SGCZ: variants seen among roughly 807,000 people sequenced by gnomAD.
The protein encoded by SGCZ is sarcoglycan zeta.
Under a neutral mutation model 41.3 loss-of-function variants are expected in SGCZ, and 40 were observed. The observed-to-expected ratio is 0.97, with a 90% CI of 0.75 to 1.26. The LOEUF is 1.26. Ranked by LOEUF, SGCZ falls within the 50% of genes most tolerant of loss-of-function variation. The pLI is 0.00. For synonymous variants in SGCZ, 206 were observed against 137.5 expected, an observed-to-expected ratio of 1.50 and a Z score of -3.49; for missense variants, 552 against 369.8, an observed-to-expected ratio of 1.49 and a Z score of -4.04.
intron 1 of SGCZ, among the ~76,000 whole-genome samples, chr8:15,077,131 A>G (rs1204506927): frequency 1.3e-5 from 2 of 152,138 alleles, no homozygotes; most frequent in Non-Finnish European, 2.9e-5. Flanking sequence ...TTTTTTCATG[A>G]ATAACAGAAA....
At chr8:14,574,330 T>C (rs1306832294) in intron 1 of SGCZ, among the ~76,000 whole-genome samples, 1 of 149,556 alleles carries the variant, frequency 6.7e-6, no homozygotes, top group Non-Finnish European at 1.5e-5. Flanking sequence ...GAAACAAGAA[T>C]TCCTTTTCCT....
Position 14,490,050 on chromosome 8 carries a change from T to G in SGCZ, c.234+64682A>C, listed in dbSNP as rs544681951. Among the ~76,000 whole-genome samples, 5 of 151,978 alleles carry G rather than the reference T, an allele frequency of 3.3e-5. 1 individual carries two copies. Among genetic ancestry groups the G allele is most frequent in the African/African-American group, 1.2e-4 (5 of 41,434 alleles). On this transcript the variant is annotated intron_variant, in intron 2 of 7. Coordinates refer to ENST00000382080, the MANE Select transcript of SGCZ (RefSeq NM_139167.4). Reference sequence around the variant, plus strand: ...GCCCAGCTAATGTTTGTCTTTTTAGTATATATGAGGTTTCACCATGTTGGT... The same window carrying G: ...GCCCAGCTAATGTTTGTCTTTTTAGGATATATGAGGTTTCACCATGTTGGT...
intron 2 of SGCZ, among the ~76,000 whole-genome samples, chr8:14,470,766 G>C (rs1221653125): frequency 1.3e-5 from 2 of 152,028 alleles, no homozygotes; most frequent in Non-Finnish European, 2.9e-5. Flanking sequence ...TCACTCTCTT[G>C]GAAAGACCTC....
intron 2 of SGCZ, among the ~76,000 whole-genome samples, chr8:14,364,781 T>C (rs974042452): frequency 1.3e-5 from 2 of 152,164 alleles, no homozygotes; most frequent in Non-Finnish European, 2.9e-5. Flanking sequence ...TTTGATATTA[T>C]ACATGTTTTT....
At chr8:14,946,004 C>CTATATA (rs1800429047) in intron 1 of SGCZ, among the ~76,000 whole-genome samples, 4 of 45,764 alleles carry the variant, frequency 8.7e-5, no homozygotes, top group African/African-American at 1.8e-4. Context: ...CTAAATGTCC[C>CTATATA]CATATATATA....
rs1236970515 is a variant in SGCZ at position 14,144,869 on chromosome 8, G to C, written c.547+19711C>G. On this transcript the variant is annotated intron_variant, in intron 5 of 7. Transcript: ENST00000382080. Reference sequence around the variant, plus strand: ...GTACTCCTTGTGGCCTGGAGTGGTGGTGGCTACTGGGTGAGGCTCGTTTGT... The same window carrying C: ...GTACTCCTTGTGGCCTGGAGTGGTGCTGGCTACTGGGTGAGGCTCGTTTGT... Among the ~76,000 whole-genome samples the C allele has an allele frequency of 2.0e-5, 3 of 152,174 alleles. 1 individual carries two copies. Among genetic ancestry groups the C allele is most frequent in the Non-Finnish European group, 4.4e-5 (3 of 68,038 alleles).
chr8:14,724,473 T>C (rs969981952), intron 1 of SGCZ, among the ~76,000 whole-genome samples: 3 of 151,886 alleles, frequency 2.0e-5, no homozygotes, highest in African/African-American at 7.2e-5. Flanking sequence ...ACTTCAAATA[T>C]TTTTAATAAA....
intron 2 of SGCZ, among the ~76,000 whole-genome samples, chr8:14,424,341 A>G (rs952708778): frequency 2.6e-5 from 4 of 152,184 alleles, no homozygotes; most frequent in Admixed American, 6.5e-5. Flanking sequence ...GGATTAAAAA[A>G]CACAATATAT....
intron 2 of SGCZ, among the ~76,000 whole-genome samples, chr8:14,525,160 ATAGATAGATAGAT>A (rs138471552): frequency 0.11 from 14,377 of 133,242 alleles, 2,097 homozygotes; most frequent in African/African-American, 0.33. Context: ...AGATAGATAG[ATAGATAGATAGAT>A]AGATAGATAG....
Position 14,201,093 on chromosome 8 carries a change from T to G in SGCZ, c.425-36391A>C, listed in dbSNP as rs191937250. 2.9e-3 allele frequency among the ~76,000 whole-genome samples: 445 copies of G among 152,262 alleles called. 2 individuals carry two copies. Among genetic ancestry groups the G allele is most frequent in the South Asian group, 6.6e-3 (32 of 4,832 alleles). ...ACAATTAAAACTATTAAATACACATTGGACAAAAATGTTTAAATGGTGAAA... is the reference window on the plus strand; with the variant it reads ...ACAATTAAAACTATTAAATACACATGGGACAAAAATGTTTAAATGGTGAAA... On this transcript the variant is annotated intron_variant, in intron 4 of 7. Transcript: ENST00000382080.
chr8:14,260,118 T>G (rs1206523279), intron 3 of SGCZ, among the ~76,000 whole-genome samples: 1 of 152,158 alleles, frequency 6.6e-6, no homozygotes, highest in Non-Finnish European at 1.5e-5. Flanking sequence ...TCTGTTTGTC[T>G]GTTGTTGGTG....
chr8:14,955,341 C>G (rs919672261), intron 1 of SGCZ, among the ~76,000 whole-genome samples: 1 of 152,112 alleles, frequency 6.6e-6, no homozygotes, highest in Admixed American at 6.6e-5. Context: ...TTTGTCCTTC[C>G]AAACACGACT....
chr8:14,680,557 G>C (rs1243691162), intron 1 of SGCZ, among the ~76,000 whole-genome samples: 1 of 144,326 alleles, frequency 6.9e-6, no homozygotes, highest in Admixed American at 7.5e-5. Flanking sequence ...AACGGAGCAA[G>C]AAATCTCACA....
chr8:15,112,967 C>T lies in SGCZ; in HGVS notation c.39+124618G>A, dbSNP rs146673068. On this transcript the variant is annotated intron_variant, in intron 1 of 7. Coordinates refer to ENST00000382080, the MANE Select transcript of SGCZ (RefSeq NM_139167.4). Reference sequence around the variant, plus strand: ...AAAAAAGCAGGGCACAGTACACTTTCAGAAGCCAAGGCAGGTGGATCGCTT... The same window carrying T: ...AAAAAAGCAGGGCACAGTACACTTTTAGAAGCCAAGGCAGGTGGATCGCTT... Among the ~76,000 whole-genome samples, 1,484 of 152,188 alleles carry T rather than the reference C, an allele frequency of 9.8e-3. 14 individuals carry two copies. The highest frequency in any genetic ancestry group is 0.051 in the Middle Eastern group (15 of 294).
intron 4 of SGCZ, among the ~76,000 whole-genome samples, chr8:14,209,822 T>C (rs1448670412): frequency 6.7e-6 from 1 of 150,008 alleles, no homozygotes; most frequent in Admixed American, 6.6e-5. Context: ...CATATTTTCA[T>C]AAAAATATAA....
At chr8:14,481,348 A>G (rs2117005423) in intron 2 of SGCZ, among the ~76,000 whole-genome samples, 1 of 152,296 alleles carries the variant, frequency 6.6e-6, no homozygotes, top group Admixed American at 6.5e-5. Flanking sequence ...ATAAGTAATG[A>G]GATGGGGAGG....
chr8:14,248,799 A>G (rs1475360078), intron 3 of SGCZ, among the ~76,000 whole-genome samples: 3 of 152,034 alleles, frequency 2.0e-5, no homozygotes, highest in South Asian at 2.1e-4. Context: ...GGGGTTTTAA[A>G]TATCTGGAAA....
intron 1 of SGCZ, among the ~76,000 whole-genome samples, chr8:15,037,641 A>G (rs1803919273): frequency 6.6e-6 from 1 of 152,188 alleles, no homozygotes; most frequent in Non-Finnish European, 1.5e-5. Flanking sequence ...ACACAAGAGA[A>G]ACAAATAAGA....
At chr8:14,763,883 A>G (rs1301383900) in intron 1 of SGCZ, among the ~76,000 whole-genome samples, 1 of 152,220 alleles carries the variant, frequency 6.6e-6, no homozygotes, top group Non-Finnish European at 1.5e-5. Flanking sequence ...CTATGGGAGC[A>G]AAAAGACACA....
Sources: gnomAD v4.1 joint callset for allele counts (sites outside exome capture counted in the v4.1 genomes callset) on GRCh38, gnomAD v4.1.1 for gene constraint, MANE v1.5 for transcripts, NCBI Gene and HGNC (gene_info 2026-07-23, HGNC 2026-07-21) for gene names.